ZNF423: variants seen among roughly 807,000 people sequenced by gnomAD.
ZNF423 encodes the protein Ebf-associated zinc finger protein.
ZNF423 carries 12 observed loss-of-function variants against 95.8 expected under a neutral mutation model. The observed-to-expected ratio is 0.13, with a 90% confidence interval of 0.08 to 0.20. The LOEUF (loss-of-function observed/expected upper bound fraction) is 0.20, where lower values mean the gene tolerates loss of function less well. ZNF423 is among the 10% of genes least tolerant of loss of function. ZNF423 has a pLI of 1.00. For missense variants in ZNF423, 1,316 were observed against 1,737.1 expected (o/e 0.76, Z 4.31); for synonymous variants, 749 against 711.9 (o/e 1.05, Z -0.83).
At position 49,765,537 on chromosome 16, in the gene ZNF423, C is replaced by G. The variant is rs1261756052; in HGVS notation, c.100+23950G>C. Among the ~76,000 whole-genome samples the G allele has an allele frequency of 2.8e-5, 3 of 107,424 alleles. No homozygotes were observed. The East Asian group carries it at 8.8e-4, about 31-fold the overall frequency. 70.5% of individuals were successfully genotyped at this position (107,424 alleles called of 152,430 possible). On this transcript the variant is annotated intron_variant, in intron 2 of 7. Transcript: ENST00000563137. ...ACGAGCCTGGGCAACATAGTGAGAC[C>G]TCATCTCCACACACACACACACACA...
chr16:49,683,737 G>A (rs181179285), intron 3 of ZNF423, among the ~76,000 whole-genome samples: 1 of 152,292 alleles, frequency 6.6e-6, no homozygotes, highest in East Asian at 1.9e-4. Flanking sequence ...ATTAAAAGCA[G>A]CTACAAGACA....
intron 7 of ZNF423, among the ~76,000 whole-genome samples, chr16:49,507,775 T>C (rs1967705064): frequency 1.3e-5 from 2 of 152,180 alleles, no homozygotes; most frequent in South Asian, 4.1e-4. Context: ...GCAGCAATGG[T>C]TGCAGAGGCA....
chr16:49,568,864 C>T (rs1349402605), intron 5 of ZNF423, among the ~76,000 whole-genome samples: 1 of 152,122 alleles, frequency 6.6e-6, no homozygotes, highest in African/African-American at 2.4e-5. Flanking sequence ...AATGCAGGAA[C>T]CTTCTCACAT....
intron 2 of ZNF423, among the ~76,000 whole-genome samples, chr16:49,782,701 T>C (rs2034232718): frequency 6.6e-6 from 1 of 152,240 alleles, no homozygotes; most frequent in Non-Finnish European, 1.5e-5. Flanking sequence ...TCCCTGCTGC[T>C]GTTCCAGAGC....
At chr16:49,722,496 C>CT (rs2032894627) in intron 3 of ZNF423, among the ~76,000 whole-genome samples, 1 of 152,218 alleles carries the variant, frequency 6.6e-6, no homozygotes, top group South Asian at 2.1e-4. Context: ...ATCCCTAGAG[C>CT]CCAGAGGGTC....
At chr16:49,750,923 T>C (rs1428048418) in intron 2 of ZNF423, among the ~76,000 whole-genome samples, 1 of 152,130 alleles carries the variant, frequency 6.6e-6, no homozygotes, top group Non-Finnish European at 1.5e-5. Flanking sequence ...ACCTGAGGCA[T>C]GGAGCATCGT....
chr16:49,815,897 T>TAC (rs1200789340), intron 1 of ZNF423, among the ~76,000 whole-genome samples: 11 of 47,076 alleles, frequency 2.3e-4, no homozygotes, highest in African/African-American at 9.8e-4. Flanking sequence ...TATATATATA[T>TAC]ATATATATAT....
chr16:49,795,887 C>G (rs1244056894), intron 1 of ZNF423, among the ~76,000 whole-genome samples: 1 of 152,180 alleles, frequency 6.6e-6, no homozygotes, highest in African/African-American at 2.4e-5. Context: ...TCCTGGGGGG[C>G]TTCCAGTTCC....
intron 1 of ZNF423, among the ~76,000 whole-genome samples, chr16:49,829,699 G>A (rs2035042321): frequency 6.6e-6 from 1 of 152,124 alleles, no homozygotes; most frequent in Admixed American, 6.5e-5. Context: ...GGCCCTTGGA[G>A]AAGCCCTGCC....
intron 3 of ZNF423, among the ~76,000 whole-genome samples, chr16:49,683,038 A>AG (rs1294314487): frequency 1.3e-5 from 2 of 152,222 alleles, no homozygotes; most frequent in Non-Finnish European, 2.9e-5. Flanking sequence ...TCTAGGCTGC[A>AG]GAGCTGCAGT....
At chr16:49,581,675 G>A (rs1173729977) in intron 5 of ZNF423, among the ~76,000 whole-genome samples, 4 of 152,162 alleles carry the variant, frequency 2.6e-5, no homozygotes, top group African/African-American at 9.7e-5. Flanking sequence ...CTCCCTGAAA[G>A]TGCCCCAGAG....
At chr16:49,709,231 G>A (rs2032466173) in intron 3 of ZNF423, among the ~76,000 whole-genome samples, 1 of 149,304 alleles carries the variant, frequency 6.7e-6, no homozygotes, top group African/African-American at 2.5e-5. Context: ...AAACAAAGCT[G>A]ACTTCAGAAG....
At chr16:49,718,707 A>C (rs576477452) in intron 3 of ZNF423, among the ~76,000 whole-genome samples, 1 of 152,120 alleles carries the variant, frequency 6.6e-6, no homozygotes, top group Non-Finnish European at 1.5e-5. Context: ...GTGAGGGCGC[A>C]TTTCTCATAG....
chr16:49,699,005 T>C (rs1169492567), intron 3 of ZNF423, among the ~76,000 whole-genome samples: 3 of 152,212 alleles, frequency 2.0e-5, no homozygotes, highest in African/African-American at 7.2e-5. Flanking sequence ...GGGGCTCAAA[T>C]ATCACTGTGA....
At chr16:49,541,029 C>T (rs776262431) in intron 5 of ZNF423, among the ~76,000 whole-genome samples, 37 of 152,176 alleles carry the variant, frequency 2.4e-4, no homozygotes, top group Non-Finnish European at 4.9e-4. Flanking sequence ...CCTCAGAACC[C>T]GGCTGAAGAA....
At chr16:49,681,560 A>C (rs1193802671) in intron 3 of ZNF423, among the ~76,000 whole-genome samples, 1 of 152,188 alleles carries the variant, frequency 6.6e-6, no homozygotes, top group East Asian at 1.9e-4. Flanking sequence ...GCAGCAAAGT[A>C]GAGACTAAAT....
intron 2 of ZNF423, chr16:49,731,486 T>C: frequency 5.9e-6 from 3 of 512,736 alleles, no homozygotes; most frequent in Non-Finnish European, 7.5e-6. Flanking sequence ...GTACACATGT[T>C]TGAAGAACCA....
intron 7 of ZNF423, among the ~76,000 whole-genome samples, chr16:49,514,836 G>A (rs954730981): frequency 2.0e-5 from 3 of 152,180 alleles, no homozygotes; most frequent in East Asian, 1.9e-4. Context: ...AGGGCGTGGC[G>A]CTGGTCCAAC....
intron 3 of ZNF423, among the ~76,000 whole-genome samples, chr16:49,698,162 A>G (rs1057308303): frequency 6.6e-6 from 1 of 152,082 alleles, no homozygotes; most frequent in Non-Finnish European, 1.5e-5. Flanking sequence ...TTAACTTTTC[A>G]GTGGGGTTTT....
Sources: gnomAD v4.1 joint callset for allele counts (sites outside exome capture counted in the v4.1 genomes callset) on GRCh38, gnomAD v4.1.1 for gene constraint, MANE v1.5 for transcripts, NCBI Gene and HGNC (gene_info 2026-07-23, HGNC 2026-07-21) for gene names.